The following CIAO1 variants were observed in gnomAD, a reference collection of about 807,000 sequenced individuals.
The protein encoded by CIAO1 is cytosolic iron-sulfur assembly component 1.
Under a neutral mutation model 43.1 loss-of-function variants are expected in CIAO1, and 32 were observed. The observed-to-expected ratio is 0.74, with a 90% CI of 0.56 to 1.00. The LOEUF (loss-of-function observed/expected upper bound fraction) is 1.00. Among genes scored for constraint, CIAO1 ranks in the 50% least tolerant of loss-of-function variants. The pLI, the probability that CIAO1 is intolerant of heterozygous loss-of-function variation, is 0.00. For missense variants in CIAO1, 415 were observed against 437.4 expected, an observed-to-expected ratio of 0.95 and a Z score of 0.46; for synonymous variants, 183 against 171.4, an observed-to-expected ratio of 1.07 and a Z score of -0.53.
Position 96,273,484 on chromosome 2 carries a change from A to G in CIAO1, c.*2133A>G, listed in dbSNP as rs1409698779. 6.6e-6 allele frequency: 1 copy of G among 151,890 alleles called. No homozygotes were observed. Among genetic ancestry groups the G allele is most frequent in the Non-Finnish European group, 1.5e-5 (1 of 67,996 alleles). The allele number at this position is 151,890 out of a possible 1,614,324, so 9.4% of individuals were successfully genotyped here. A position where few individuals can be genotyped will look rare whatever the true frequency, so the allele number is the denominator to read the frequency against. Reference sequence around the variant, plus strand: ...CAAGACCAGCCTGGCCAATATGGTGAAAGTCCGTCTCTACTAAAATTACAA... The same window carrying G: ...CAAGACCAGCCTGGCCAATATGGTGGAAGTCCGTCTCTACTAAAATTACAA... On this transcript the variant is annotated 3_prime_UTR_variant, in exon 7 of 7. Transcript: ENST00000488633.
rs1461548759 is a variant in CIAO1, at chr2:96,271,032, A to G, written c.780-79A>G. ...TAGCTGAGGCCTGAAGTTAGGGAAG[A>G]GAACAGGCCAGGAACTATGGAACAG... On this transcript the variant is annotated intron_variant, in intron 6 of 6. Coordinates refer to ENST00000488633, the MANE Select transcript of CIAO1 (RefSeq NM_004804.3). 2.6e-6 allele frequency: 4 copies of G among 1,563,964 alleles called. No individual in the cohort carries two copies. In the East Asian group the frequency reaches 9.0e-5, roughly 35 times the overall value.
At chr2:96,268,310 C>G in intron 4 of CIAO1, 147 bp from the exon 5 acceptor site, 1 of 698,274 alleles carries the variant, frequency 1.4e-6, no homozygotes, top group Non-Finnish European at 2.4e-6. Flanking sequence ...CGAGATCGTG[C>G]TATTGCACTC....
chr2:96,266,438 C>T lies in CIAO1; in HGVS notation c.88C>T (p.Leu30=). ...WFLAWNPAGT[L]LASCGGDRRI... The stretch of plus-strand genomic sequence containing the variant: ...CCTGGCCTGGAACCCCGCGGGGACC[C>T]TGCTGGCCTCGTGCGGCGGCGACCG... The change falls in exon 1 of 7, where the codon CTG becomes TTG. Residue 30 remains leucine (L), a synonymous_variant. Coordinates refer to ENST00000488633, the MANE Select transcript of CIAO1 (RefSeq NM_004804.3). 5.8e-6 allele frequency: 9 copies of T among 1,561,398 alleles called. No homozygotes were observed. The highest frequency in any genetic ancestry group is 1.2e-5 in the South Asian group (1 of 86,638).
rs780507203 is a variant in CIAO1, at chr2:96,269,320, C to T, written c.744C>T (p.Ser248=). The part of the protein sequence containing the change: ...DPSWKCICTL[S]GFHSRTIYDI... ...GTTGGAAATGTATCTGTACTTTGTC[C>T]GGCTTCCACTCAAGGACCATTTATG... Residue 248 remains serine, a synonymous_variant, in exon 6 of 7, where the codon TCC becomes TCT. Coordinates refer to ENST00000488633, the MANE Select transcript of CIAO1 (RefSeq NM_004804.3). 72 of 1,614,044 alleles carry T rather than the reference C, an allele frequency of 4.5e-5. No homozygotes were observed. Among genetic ancestry groups the T allele is most frequent in the South Asian group, 5.5e-5 (5 of 91,078 alleles).
chr2:96,268,268 C>T (rs575891023), intron 4 of CIAO1, among the ~76,000 whole-genome samples, 189 bp from the exon 5 acceptor site: 1 of 152,380 alleles, frequency 6.6e-6, no homozygotes, highest in African/African-American at 2.4e-5. Context: ...AGGAGAATCA[C>T]TTGAACCCAG....
At chr2:96,269,588 G>A (rs758619836) in intron 6 of CIAO1, among the ~76,000 whole-genome samples, 11 of 152,198 alleles carry the variant, frequency 7.2e-5, no homozygotes, top group African/African-American at 2.2e-4. Flanking sequence ...CTAGAGGTTC[G>A]CACAGCTCGT....
intron 6 of CIAO1, 88 bp downstream of exon 6, chr2:96,269,443 G>T (rs1301116626): frequency 7.8e-7 from 1 of 1,281,464 alleles, no homozygotes; most frequent in African/African-American, 1.5e-5. Flanking sequence ...TGCAACCCTG[G>T]GGGAGTGCTT....
At chr2:96,268,724 G>T (rs1029195965) in intron 5 of CIAO1, 66 bp downstream of exon 5, 14 of 1,516,222 alleles carry the variant, frequency 9.2e-6, no homozygotes, top group Middle Eastern at 1.7e-4. Context: ...GCTAAGACAC[G>T]TACATGAGTC....
intron 1 of CIAO1, among the ~76,000 whole-genome samples, chr2:96,266,846 C>T (rs2104313073): frequency 1.3e-5 from 2 of 152,270 alleles, no homozygotes; most frequent in Middle Eastern, 6.8e-3. Context: ...AGAAAGATGC[C>T]TCCAGAGGTT....
chr2:96,266,574 G>A, intron 1 of CIAO1, 85 bp downstream of exon 1: 1 of 1,272,338 alleles, frequency 7.9e-7, no homozygotes, highest in Non-Finnish European at 1.0e-6. Context: ...AGGGGAGGCT[G>A]AACCTGTTCC....
In CIAO1 at chr2:96,269,036, G is replaced by A. The variant is rs1290814272; in HGVS notation, c.692-232G>A. 1.5e-5 allele frequency: 9 copies of A among 591,284 alleles called. No homozygotes were observed. In the East Asian group the frequency reaches 2.3e-4, roughly 15 times the overall value. 36.6% of individuals were successfully genotyped at this position (591,284 alleles called of 1,614,324 possible). ...GCTGGTGGGTGGCCTTCACAGGCAC[G>A]CAAAGTAGTTACATACAGTCTGCAA... is the stretch of plus-strand genomic sequence containing the variant. On this transcript the variant is annotated intron_variant, in intron 5 of 6. Transcript: ENST00000488633.
chr2:96,269,148 C>A (rs150236974), intron 5 of CIAO1, 120 bp from the exon 6 acceptor site: 1 of 818,994 alleles, frequency 1.2e-6, no homozygotes, highest in Non-Finnish European at 2.1e-6. Context: ...GATGGGGACA[C>A]GAACGGAGAC....
In CIAO1 at chr2:96,271,449, A is replaced by G; in HGVS notation, c.*98A>G. 6.9e-7 allele frequency: 1 copy of G among 1,440,934 alleles called. No individual in the cohort carries two copies. Among genetic ancestry groups the G allele is most frequent in the East Asian group, 2.3e-5 (1 of 43,452 alleles). 89.3% of individuals were successfully genotyped at this position (1,440,934 alleles called of 1,614,324 possible). A position where few individuals can be genotyped will look rare whatever the true frequency, so the allele number is the denominator to read the frequency against. ...ACCAGGAGGAGCATCCTTGACCTTC[A>G]TTTAACTTGGCTCACTTCTCTTCAG... On this transcript the variant is annotated 3_prime_UTR_variant, in exon 7 of 7. Transcript: ENST00000488633.
At chr2:96,266,994 C>T (rs1390209103) in intron 1 of CIAO1, among the ~76,000 whole-genome samples, 4 of 151,876 alleles carry the variant, frequency 2.6e-5, no homozygotes, top group Non-Finnish European at 5.9e-5. Context: ...ATTAGCTGGG[C>T]GTTGTGGCGG....
intron 5 of CIAO1, 198 bp from the exon 6 acceptor site, chr2:96,269,070 G>A (rs1466196104): frequency 1.6e-6 from 1 of 616,666 alleles, no homozygotes; most frequent in Non-Finnish European, 2.9e-6. Flanking sequence ...AACAGAACAG[G>A]GATGTTTCCT....
chr2:96,271,618 G>A lies in CIAO1; in HGVS notation c.*267G>A. On this transcript the variant is annotated 3_prime_UTR_variant, in exon 7 of 7. Transcript: ENST00000488633. ...AGGGCACAGTGTTAAATTTTTTGGAGGTAAATATACTATTTATAATCACTA... is the reference window on the plus strand; with the variant it reads ...AGGGCACAGTGTTAAATTTTTTGGAAGTAAATATACTATTTATAATCACTA... 1 of 425,284 alleles carries A rather than the reference G, an allele frequency of 2.4e-6. No individual in the cohort carries two copies. The highest frequency in any genetic ancestry group is 2.8e-5 in the South Asian group (1 of 36,226). 26.3% of individuals were successfully genotyped at this position (425,284 alleles called of 1,614,324 possible).
At chr2:96,267,125 A>G (rs1684446818) in intron 1 of CIAO1, among the ~76,000 whole-genome samples, 196 bp from the exon 2 acceptor site, 1 of 104,464 alleles carries the variant, frequency 9.6e-6, no homozygotes, top group Admixed American at 1.3e-4. Flanking sequence ...CAGAGCAAAA[A>G]CTCCGTCTCA....
In CIAO1 at chr2:96,268,636, G is replaced by T. The variant is rs1392313299; in HGVS notation, c.669G>T (p.Gln223His). Reference protein sequence around the residue: ...SDDRTVRIWRQYLPGNEQGVA... With the variant: ...SDDRTVRIWRHYLPGNEQGVA... ...ACCGTACTGTGCGTATCTGGCGTCA[G>T]TATCTACCAGGCAATGAACAAGGTG... The change falls in exon 5 of 7, where the codon CAG (glutamine) becomes CAT (histidine). Residue 223 changes from glutamine (Q) to histidine (H), a missense_variant. Transcript: ENST00000488633. The T allele has an allele frequency of 7.4e-6, 12 of 1,614,236 alleles. No individual in the cohort carries two copies. The highest frequency in any genetic ancestry group is 1.0e-5 in the Non-Finnish European group (12 of 1,180,046).
At position 96,271,641 on chromosome 2, in the gene CIAO1, C is replaced by T; in HGVS notation, c.*290C>T. On this transcript the variant is annotated 3_prime_UTR_variant, in exon 7 of 7. Transcript: ENST00000488633. Reference sequence around the variant, plus strand: ...GAGGTAAATATACTATTTATAATCACTATATATAGTAGGAGGGGGTATGTG... The same window carrying T: ...GAGGTAAATATACTATTTATAATCATTATATATAGTAGGAGGGGGTATGTG... The T allele has an allele frequency of 3.1e-6, 1 of 318,068 alleles. No individual in the cohort carries two copies. The highest frequency in any genetic ancestry group is 5.9e-6 in the Non-Finnish European group (1 of 169,302). 19.7% of individuals were successfully genotyped at this position (318,068 alleles called of 1,614,324 possible).
Sources: allele counts gnomAD v4.1 joint callset (sites outside exome capture counted in the v4.1 genomes callset), GRCh38; gene constraint gnomAD v4.1.1; transcripts MANE v1.5; gene names NCBI Gene and HGNC (gene_info 2026-07-23, HGNC 2026-07-21).